MTA3: variants seen among roughly 807,000 people sequenced by gnomAD.
The protein encoded by MTA3 is metastasis associated 1 family member 3, also known as metastasis-associated protein MTA3.
A neutral mutation model predicts 83.5 loss-of-function variants in MTA3; 34 were observed. The ratio of observed to expected loss-of-function variants is 0.41; its 90% CI spans 0.31 to 0.54. The LOEUF is 0.54. Ranked by LOEUF, MTA3 falls within the 20% of genes least tolerant of loss-of-function variation. The probability of loss-of-function intolerance (pLI) is 0.33; values close to 1 mark genes in which losing one functional copy is unlikely to be tolerated. For synonymous variants in MTA3, 303 were observed against 252.7 expected (o/e 1.20, Z -1.89); for missense variants, 761 against 726.4 (o/e 1.05, Z -0.55).
At chr2:42,516,983 G>A (rs533756829) in intron 2 of MTA3, among the ~76,000 whole-genome samples, 23 of 152,252 alleles carry the variant, frequency 1.5e-4, no homozygotes, top group Admixed American at 4.6e-4. Context: ...AATTTGGCCC[G>A]GTGTGGTGGC....
intron 2 of MTA3, among the ~76,000 whole-genome samples, chr2:42,547,335 T>C (rs190382162): frequency 3.9e-5 from 6 of 152,284 alleles, no homozygotes; most frequent in Non-Finnish European, 8.8e-5. Flanking sequence ...GTTTGCCTTA[T>C]TATTATTTCT....
chr2:42,593,631 G>A (rs1248931413), intron 3 of MTA3, among the ~76,000 whole-genome samples: 1 of 152,094 alleles, frequency 6.6e-6, no homozygotes. Flanking sequence ...TAAATGTTAT[G>A]TGGTGTGTGA....
chr2:42,618,060 T>G (rs1360835218), intron 4 of MTA3, among the ~76,000 whole-genome samples: 1 of 152,036 alleles, frequency 6.6e-6, no homozygotes, highest in Admixed American at 6.6e-5. Context: ...TCCTCCCACC[T>G]CAGCCTTCCA....
intron 8 of MTA3, among the ~76,000 whole-genome samples, chr2:42,670,180 A>G (rs550480886): frequency 6.6e-6 from 1 of 151,674 alleles, no homozygotes; most frequent in South Asian, 2.1e-4. Flanking sequence ...AATCGCTTGA[A>G]CCCAGGAGGT....
intron 3 of MTA3, among the ~76,000 whole-genome samples, chr2:42,582,081 G>C (rs549194504): frequency 6.6e-6 from 1 of 151,562 alleles, no homozygotes; most frequent in East Asian, 1.9e-4. Flanking sequence ...TTTTTGAGAC[G>C]GAGTCTTGCT....
At chr2:42,677,864 C>T (rs1400163923) in intron 8 of MTA3, among the ~76,000 whole-genome samples, 1 of 152,150 alleles carries the variant, frequency 6.6e-6, no homozygotes, top group Non-Finnish European at 1.5e-5. Flanking sequence ...ACAGTGCGCT[C>T]CCTCCCTGTC....
chr2:42,585,001 G>A (rs555698307), intron 3 of MTA3, among the ~76,000 whole-genome samples: 3 of 150,664 alleles, frequency 2.0e-5, no homozygotes, highest in Non-Finnish European at 3.0e-5. Context: ...GCACAATCTC[G>A]GCTCACTGCA....
intron 2 of MTA3, among the ~76,000 whole-genome samples, chr2:42,515,839 G>GTCT (rs1180017310): frequency 8.8e-6 from 1 of 113,112 alleles, no homozygotes. Context: ...TTTATTTTAT[G>GTCT]TATTTTTTTT....
intron 2 of MTA3, 124 bp downstream of exon 2, chr2:42,570,628 G>A: frequency 6.1e-6 from 3 of 490,088 alleles, no homozygotes; most frequent in East Asian, 6.3e-5. Context: ...GGGAGGCCTG[G>A]CGAGTGGATA....
In MTA3 at chr2:42,745,824, C is replaced by CTTTTTTTTTTTT. The variant is rs146921280; in HGVS notation, c.1760-7542_1760-7541insTTTTTTTTTTTT. ...TTTTATGTCCTTTTGAAATAGTCCT[C>CTTTTTTTTTTTT]TTTTTTTTGAGACAGAGTCTCGCTC... is the stretch of plus-strand genomic sequence containing the variant. On this transcript the variant is annotated intron_variant, in intron 16 of 16. Transcript: ENST00000405094. Among the ~76,000 whole-genome samples, 130 of 119,410 alleles carry CTTTTTTTTTTTT rather than the reference C, an allele frequency of 1.1e-3. 16 individuals carry two copies. Among genetic ancestry groups the CTTTTTTTTTTTT allele is most frequent in the African/African-American group, 3.6e-3 (112 of 30,994 alleles). 78.3% of individuals were successfully genotyped at this position (119,410 alleles called of 152,430 possible).
intron 9 of MTA3, among the ~76,000 whole-genome samples, chr2:42,694,344 C>G (rs1693184790): frequency 6.6e-6 from 1 of 152,058 alleles, no homozygotes; most frequent in South Asian, 2.1e-4. Flanking sequence ...AGTTGAAGTC[C>G]TTGTGTACCT....
At chr2:42,534,991 T>G (rs1338580275) in intron 2 of MTA3, among the ~76,000 whole-genome samples, 2 of 152,020 alleles carry the variant, frequency 1.3e-5, no homozygotes, top group East Asian at 3.9e-4. Flanking sequence ...ACAAACAAGA[T>G]TGAAGGAATC....
chr2:42,501,802 A>G (rs1572886728), intron 2 of MTA3, among the ~76,000 whole-genome samples: 1 of 152,032 alleles, frequency 6.6e-6, no homozygotes, highest in African/African-American at 2.4e-5. Context: ...ACATGGTGAA[A>G]CCCTGTCTCT....
chr2:42,524,097 C>T (rs898538851), intron 2 of MTA3, among the ~76,000 whole-genome samples: 12 of 151,956 alleles, frequency 7.9e-5, no homozygotes, highest in African/African-American at 2.9e-4. Flanking sequence ...TCCTAAGAAA[C>T]ATCTTCAGCC....
chr2:42,531,445 CTTTTTTTTT>C (rs10659582), intron 2 of MTA3, among the ~76,000 whole-genome samples: 1 of 75,344 alleles, frequency 1.3e-5, no homozygotes. Context: ...GAAGCAAACT[CTTTTTTTTT>C]TTTTTTTTTT....
At chr2:42,561,306 A>G (rs1401542087) in intron 2 of MTA3, among the ~76,000 whole-genome samples, 1 of 151,172 alleles carries the variant, frequency 6.6e-6, no homozygotes, top group Non-Finnish European at 1.5e-5. Flanking sequence ...CTATACTAGC[A>G]TATCTGTTTA....
At chr2:42,661,417 C>T (rs1289120963) in intron 8 of MTA3, among the ~76,000 whole-genome samples, 1 of 142,342 alleles carries the variant, frequency 7.0e-6, no homozygotes, top group Non-Finnish European at 1.5e-5. Flanking sequence ...GGGGAGATTG[C>T]TTGAGCCTGG....
chr2:42,605,949 C>T (rs1473772625), intron 3 of MTA3, among the ~76,000 whole-genome samples: 1 of 7,392 alleles, frequency 1.4e-4, no homozygotes, highest in Non-Finnish European at 2.7e-4. Context: ...CCCGACGGGG[C>T]GGCTGGCCGG....
At chr2:42,537,090 AT>A (rs1459177088) in intron 2 of MTA3, among the ~76,000 whole-genome samples, 2 of 152,106 alleles carry the variant, frequency 1.3e-5, no homozygotes, top group African/African-American at 2.4e-5. Flanking sequence ...GCCCCAGGTT[AT>A]GCCCATCCCT....
Sources: gnomAD v4.1 joint callset for allele counts (sites outside exome capture counted in the v4.1 genomes callset) on GRCh38, gnomAD v4.1.1 for gene constraint, MANE v1.5 for transcripts, NCBI Gene and HGNC (gene_info 2026-07-23, HGNC 2026-07-21) for gene names.